The following CNPPD1 variants were observed in gnomAD, a reference collection of about 807,000 sequenced individuals.
The protein encoded by CNPPD1 is cyclin Pas1/PHO80 domain containing 1.
Under a neutral mutation model 43.7 loss-of-function variants are expected in CNPPD1, and 40 were observed. The ratio of observed to expected loss-of-function variants is 0.92; its 90% CI spans 0.71 to 1.19. CNPPD1 has a LOEUF of 1.19. CNPPD1 is among the 50% of genes most tolerant of loss of function. The pLI is 0.00. For synonymous variants in CNPPD1, 208 were observed against 214.3 expected (o/e 0.97, Z 0.26); for missense variants, 511 against 518.5 (o/e 0.99, Z 0.14).
At chr2:219,173,610 T>C (rs1449441463) in intron 6 of CNPPD1, 143 bp from the exon 7 acceptor site, 2 of 576,406 alleles carry the variant, frequency 3.5e-6, no homozygotes, top group Non-Finnish European at 3.1e-6. Context: ...ATCTAGAAAC[T>C]AAGGGTGAGA....
At chr2:219,176,725 C>G (rs771987269) in intron 1 of CNPPD1, 35 bp downstream of exon 1, 3 of 1,406,164 alleles carry the variant, frequency 2.1e-6, no homozygotes, top group Non-Finnish European at 2.9e-6. Context: ...AGGGGCGCGC[C>G]GGGAGGCCGG....
rs577268034 is a variant in CNPPD1 at position 219,171,995 on chromosome 2, G to C, written c.*591C>G. The stretch of plus-strand genomic sequence containing the variant: ...AGAGGCCTGGGAAGAGAATACCTGG[G>C]AGAAGAACCAGAAGAGAGGGAAACC... On this transcript the variant is annotated 3_prime_UTR_variant, in exon 8 of 8. Coordinates refer to ENST00000360507, the MANE Select transcript of CNPPD1 (RefSeq NM_015680.6). 1 of 154,886 alleles carries C rather than the reference G, an allele frequency of 6.5e-6. No homozygotes were observed. The highest frequency in any genetic ancestry group is 1.9e-4 in the East Asian group (1 of 5,188). The allele number at this position is 154,886 out of a possible 1,614,324, so 9.6% of individuals were successfully genotyped here. A position where few individuals can be genotyped will look rare whatever the true frequency, so the allele number is the denominator to read the frequency against.
At chr2:219,175,167 T>G in intron 3 of CNPPD1, 59 bp from the exon 4 acceptor site, 1 of 1,517,408 alleles carries the variant, frequency 6.6e-7, no homozygotes, top group Non-Finnish European at 8.8e-7. Context: ...TTGCAAGTCT[T>G]ATGATGCTCG....
intron 2 of CNPPD1, 147 bp downstream of exon 2, chr2:219,176,076 A>G: frequency 1.6e-6 from 1 of 630,384 alleles, no homozygotes; most frequent in East Asian, 2.7e-5. Context: ...AAGAATGGGA[A>G]ATGCAAACTG....
chr2:219,174,332 C>T (rs190740390), intron 5 of CNPPD1, 125 bp from the exon 6 acceptor site: 7 of 935,702 alleles, frequency 7.5e-6, no homozygotes, highest in Non-Finnish European at 1.2e-5. Context: ...TACCATGTGC[C>T]AGATACTGTC....
chr2:219,176,812 A>G lies in CNPPD1; in HGVS notation c.17T>C (p.Leu6Pro). Residue 6 changes from leucine (L) to proline (P), a missense_variant, in exon 1 of 8, where the codon CTC becomes CCC. Leu to Pro is a moderately conservative substitution (Grantham distance 98). Coordinates refer to ENST00000360507, the MANE Select transcript of CNPPD1 (RefSeq NM_015680.6). ...GAAGGTGCCTTCTTCGTCCAGCAGGAGCCCGGTCAGGTCCATCGCGCCGCC... is the reference window on the plus strand; with the variant it reads ...GAAGGTGCCTTCTTCGTCCAGCAGGGGCCCGGTCAGGTCCATCGCGCCGCC... MDLTG[L>P]LLDEEGTFSL... 6.3e-7 allele frequency: 1 copy of G among 1,581,146 alleles called. No homozygotes were observed. Among genetic ancestry groups the G allele is most frequent in the Non-Finnish European group, 8.6e-7 (1 of 1,164,204 alleles).
At chr2:219,174,318 C>G (rs1443721361) in intron 5 of CNPPD1, 111 bp from the exon 6 acceptor site, 1 of 1,063,504 alleles carries the variant, frequency 9.4e-7, no homozygotes, top group African/African-American at 1.6e-5. Context: ...GCATATTTGG[C>G]ACTTACCATG....
In CNPPD1 at chr2:219,175,628, G is replaced by C. The variant is rs140012644; in HGVS notation, c.223C>G (p.Arg75Gly). Reference protein sequence around the residue: ...LLQKAAPSPIRRLQKKYVAHV... With the variant: ...LLQKAAPSPIGRLQKKYVAHV... ...GCTACATATTTCTTCTGGAGTCGGC[G>C]AATAGGGCTGGGGGCTGCCTTCTGG... The change falls in exon 3 of 8, where the codon CGC becomes GGC. Residue 75 changes from arginine (R) to glycine (G), a missense_variant. Transcript: ENST00000360507. 1 of 1,613,996 alleles carries C rather than the reference G, an allele frequency of 6.2e-7. No homozygotes were observed. The highest frequency in any genetic ancestry group is 1.1e-5 in the South Asian group (1 of 91,076).
intron 3 of CNPPD1, 125 bp from the exon 4 acceptor site, chr2:219,175,233 G>A (rs1233515387): frequency 1.6e-6 from 2 of 1,256,144 alleles, no homozygotes; most frequent in Non-Finnish European, 2.1e-6. Flanking sequence ...GGGCACGGTG[G>A]CTCATGTCTG....
chr2:219,175,239 G>A (rs776249157), intron 3 of CNPPD1, 131 bp from the exon 4 acceptor site: 2 of 1,221,192 alleles, frequency 1.6e-6, no homozygotes, highest in Non-Finnish European at 2.2e-6. Flanking sequence ...GGTGGCTCAT[G>A]TCTGTAATCC....
chr2:219,174,339 T>C (rs1950124333), intron 5 of CNPPD1, 132 bp from the exon 6 acceptor site: 1 of 894,962 alleles, frequency 1.1e-6, no homozygotes, highest in South Asian at 1.4e-5. Context: ...TGCCAGATAC[T>C]GTCTCAAAAG....
At position 219,172,854 on chromosome 2, in the gene CNPPD1, G is replaced by A. The variant is rs367768318; in HGVS notation, c.965C>T (p.Pro322Leu). The change falls in exon 8 of 8, where the codon CCT becomes CTT. Residue 322 changes from proline (P) to leucine (L), a missense_variant. Pro to Leu is a moderately conservative substitution (Grantham distance 98). Transcript: ENST00000360507. ...GGGAGGGGCAGGGGGGTCTGGGGGA[G>A]GCAATGGTGGAGGAGTCAGTGAGGC... Reference protein sequence around the residue: ...LLASLTPPPLPPPDPPAPPTL... With the variant: ...LLASLTPPPLLPPDPPAPPTL... The A allele has an allele frequency of 5.9e-5, 94 of 1,589,806 alleles. No individual in the cohort carries two copies. The highest frequency in any genetic ancestry group is 7.2e-5 in the Non-Finnish European group (84 of 1,167,166).
chr2:219,175,560 A>G (rs370772367), intron 3 of CNPPD1, 31 bp downstream of exon 3: 113 of 1,567,458 alleles, frequency 7.2e-5, no homozygotes, highest in Non-Finnish European at 8.0e-5. Context: ...GGGCCCAAAC[A>G]CTCTCATCCT....
In CNPPD1 at chr2:219,172,478, G is replaced by A. The variant is rs1156947004; in HGVS notation, c.*108C>T. On this transcript the variant is annotated 3_prime_UTR_variant, in exon 8 of 8. Transcript: ENST00000360507. The stretch of plus-strand genomic sequence containing the variant: ...CCATAAGCTCCCACCCAGGAGGACA[G>A]GGGACCTGCCAAGGACCCAGCGAGG... The A allele has an allele frequency of 1.7e-6, 2 of 1,186,808 alleles. No homozygotes were observed. The highest frequency in any genetic ancestry group is 3.0e-5 in the African/African-American group (2 of 66,274). The allele number at this position is 1,186,808 out of a possible 1,614,324, so 73.5% of individuals were successfully genotyped here. A position where few individuals can be genotyped will look rare whatever the true frequency, so the allele number is the denominator to read the frequency against.
chr2:219,173,316 C>T (rs1191035330), intron 7 of CNPPD1, 34 bp downstream of exon 7: 2 of 1,588,568 alleles, frequency 1.3e-6, no homozygotes, highest in East Asian at 2.2e-5. Flanking sequence ...CACCGGCCTG[C>T]TCAAGCTCCC....
chr2:219,172,541 C>G lies in CNPPD1; in HGVS notation c.*45G>C, dbSNP rs774974212. On this transcript the variant is annotated 3_prime_UTR_variant, in exon 8 of 8. Coordinates refer to ENST00000360507, the MANE Select transcript of CNPPD1 (RefSeq NM_015680.6). ...GAATCAAGCTTTGCTCCTCCAGGTTCTCAGAAACTCCCAAACCCTCTTAAT... is the reference window on the plus strand; with the variant it reads ...GAATCAAGCTTTGCTCCTCCAGGTTGTCAGAAACTCCCAAACCCTCTTAAT... 6.2e-7 allele frequency: 1 copy of G among 1,601,164 alleles called. No individual in the cohort carries two copies. Among genetic ancestry groups the G allele is most frequent in the Non-Finnish European group, 8.6e-7 (1 of 1,168,850 alleles).
chr2:219,174,422 GA>G (rs1433946958), intron 5 of CNPPD1, among the ~76,000 whole-genome samples: 2 of 152,220 alleles, frequency 1.3e-5, no homozygotes, highest in African/African-American at 4.8e-5. Flanking sequence ...CAAGAGGGGA[GA>G]AAATGACCCT....
At chr2:219,174,705 GA>G in intron 5 of CNPPD1, 72 bp downstream of exon 5, 1 of 1,512,082 alleles carries the variant, frequency 6.6e-7, no homozygotes, top group South Asian at 1.3e-5. Flanking sequence ...AGAAGACTGA[GA>G]GAGAACAAAG....
rs17655123 is a variant in CNPPD1, at chr2:219,172,722, G to A, written c.1097C>T (p.Pro366Leu). The change falls in exon 8 of 8, where the codon CCC becomes CTC. Residue 366 changes from proline (P) to leucine (L), a missense_variant. By Grantham distance (98) the Pro-to-Leu change is moderately conservative. Coordinates refer to ENST00000360507, the MANE Select transcript of CNPPD1 (RefSeq NM_015680.6). Reference sequence around the variant, plus strand: ...AGCCAGGCCATAGGTATGGTACCAGGGGCTGGACAGCGCAGTGGGGACTGT... The same window carrying A: ...AGCCAGGCCATAGGTATGGTACCAGAGGCTGGACAGCGCAGTGGGGACTGT... ...NRTVPTALSS[P>L]WYHTYGLAPP... 0.13 allele frequency: 203,519 copies of A among 1,613,666 alleles called. 13,410 individuals carry two copies. Among genetic ancestry groups the A allele is most frequent in the East Asian group, 0.15 (6,681 of 44,888 alleles).
Sources: allele counts gnomAD v4.1 joint callset (sites outside exome capture counted in the v4.1 genomes callset), GRCh38; gene constraint gnomAD v4.1.1; transcripts MANE v1.5; gene names NCBI Gene and HGNC (gene_info 2026-07-23, HGNC 2026-07-21).